CNTN1: variants seen among roughly 807,000 people sequenced by gnomAD.
CNTN1 encodes contactin-1.
Under a neutral mutation model 126.4 loss-of-function variants are expected in CNTN1, and 38 were observed. The observed-to-expected ratio is 0.30, with a 90% CI of 0.23 to 0.39. CNTN1 has a LOEUF of 0.39. CNTN1 is among the 10% of genes least tolerant of loss of function. CNTN1 has a pLI of 1.00. For missense variants in CNTN1, 1,009 were observed against 1,248.4 expected, an observed-to-expected ratio of 0.81 and a Z score of 2.89; for synonymous variants, 413 against 422.6, an observed-to-expected ratio of 0.98 and a Z score of 0.28.
chr12:40,904,724 C>A lies in CNTN1; in HGVS notation c.-76-3633C>A, dbSNP rs553267225. The stretch of plus-strand genomic sequence containing the variant: ...GGATTACAGGTGTGAGCCACTGGAC[C>A]CAGACCCTATTCTTATTTTAGGAAA... On this transcript the variant is annotated intron_variant, in intron 1 of 23. Transcript: ENST00000551295. Among the ~76,000 whole-genome samples the A allele has an allele frequency of 1.1e-4, 16 of 152,268 alleles. 1 individual carries two copies. The South Asian group carries it at 2.7e-3, about 26-fold the overall frequency.
intron 1 of CNTN1, among the ~76,000 whole-genome samples, chr12:40,780,786 T>TCAAGCCTC (rs1939764639): frequency 6.6e-6 from 1 of 150,780 alleles, no homozygotes; most frequent in Non-Finnish European, 1.5e-5. Context: ...GGCATTCTAT[T>TCAAGCCTC]CAAGCCTCTT....
intron 16 of CNTN1, among the ~76,000 whole-genome samples, chr12:40,984,710 A>T (rs1292171211): frequency 6.6e-6 from 1 of 152,142 alleles, no homozygotes; most frequent in African/African-American, 2.4e-5. Context: ...AAATATACCA[A>T]CTATGTATCA....
chr12:40,833,283 A>G (rs1941926035), intron 1 of CNTN1, among the ~76,000 whole-genome samples: 2 of 152,060 alleles, frequency 1.3e-5, no homozygotes, highest in South Asian at 4.2e-4. Flanking sequence ...TTTAGTAGAG[A>G]CAGGGTTTCA....
intron 1 of CNTN1, 47 bp from the exon 2 acceptor site, chr12:40,908,310 C>T (rs1287771571): frequency 7.3e-6 from 5 of 688,064 alleles, no homozygotes; most frequent in Non-Finnish European, 1.3e-5. Flanking sequence ...CTTCCCCTCT[C>T]CTTCCTTCTA....
At chr12:40,908,709 A>C (rs1375494806) in intron 2 of CNTN1, among the ~76,000 whole-genome samples, 1 of 152,116 alleles carries the variant, frequency 6.6e-6, no homozygotes, top group African/African-American at 2.4e-5. Context: ...GTGCTGGTGA[A>C]TGTTTAAAAT....
intron 1 of CNTN1, among the ~76,000 whole-genome samples, chr12:40,821,702 G>C (rs935779707): frequency 6.6e-6 from 1 of 152,052 alleles, no homozygotes; most frequent in Non-Finnish European, 1.5e-5. Flanking sequence ...TTTGAAACAT[G>C]TTAGGATACC....
chr12:41,036,791 C>T (rs1040778129), intron 23 of CNTN1, among the ~76,000 whole-genome samples: 1 of 152,038 alleles, frequency 6.6e-6, no homozygotes, highest in Non-Finnish European at 1.5e-5. Context: ...AGAATGATTG[C>T]TAGAAGTGCA....
At chr12:40,949,155 A>G (rs1311952067) in intron 14 of CNTN1, among the ~76,000 whole-genome samples, 1 of 150,976 alleles carries the variant, frequency 6.6e-6, no homozygotes, top group East Asian at 1.9e-4. Context: ...TTTCTGCAAG[A>G]CAAGAAAAAG....
At chr12:41,034,070 A>G (rs1404984115) in intron 23 of CNTN1, among the ~76,000 whole-genome samples, 2 of 152,042 alleles carry the variant, frequency 1.3e-5, no homozygotes, top group African/African-American at 2.4e-5. Context: ...AAATAAAAAA[A>G]TAATGATGTC....
rs746329361 is a variant in CNTN1, at chr12:40,725,172, C to T, written c.-77+32580C>T. Among the ~76,000 whole-genome samples, 3 of 152,024 alleles carry T rather than the reference C, an allele frequency of 2.0e-5. No homozygotes were observed. The East Asian group carries it at 5.8e-4, about 29-fold the overall frequency. On this transcript the variant is annotated intron_variant, in intron 1 of 23. Coordinates refer to ENST00000551295, the MANE Select transcript of CNTN1 (RefSeq NM_001843.4). ...ATCCCAGCACTTTGGGAGGCCAAGG[C>T]CGGTGGATCACCTGAGGTTGGGAGT...
At chr12:40,785,220 T>C (rs10784865) in intron 1 of CNTN1, among the ~76,000 whole-genome samples, 137,739 of 152,098 alleles carry the variant, frequency 0.91, 62,499 homozygotes, top group Middle Eastern at 0.95. Flanking sequence ...CACCTACAGA[T>C]GGGGTAATTT....
intron 1 of CNTN1, among the ~76,000 whole-genome samples, chr12:40,721,612 A>G: frequency 6.7e-6 from 1 of 150,342 alleles, no homozygotes; most frequent in African/African-American, 2.4e-5. Flanking sequence ...CAGGTTAGTT[A>G]CATATGTATA....
chr12:40,912,147 C>T (rs1341118437), intron 3 of CNTN1, among the ~76,000 whole-genome samples: 4 of 152,054 alleles, frequency 2.6e-5, no homozygotes, highest in Non-Finnish European at 5.9e-5. Context: ...ATTTGAAAAA[C>T]AAAGTACATA....
intron 1 of CNTN1, among the ~76,000 whole-genome samples, chr12:40,799,753 GAGCACTTACTATATACA>G (rs1940574290): frequency 6.6e-6 from 1 of 151,918 alleles, no homozygotes; most frequent in South Asian, 2.1e-4. Context: ...TAACAACTAG[GAGCACTTACTATATACA>G]AGCACTATGC....
chr12:40,810,586 T>C (rs1318531072), intron 1 of CNTN1, among the ~76,000 whole-genome samples: 1 of 123,822 alleles, frequency 8.1e-6, no homozygotes, highest in African/African-American at 3.0e-5. Context: ...TCTGTTTCTA[T>C]GAGATTGATT....
chr12:40,800,924 G>A (rs766245507), intron 1 of CNTN1, among the ~76,000 whole-genome samples: 1 of 151,658 alleles, frequency 6.6e-6, no homozygotes, highest in Admixed American at 6.6e-5. Flanking sequence ...TAGGATTGTG[G>A]AGATAAGAAA....
Position 40,929,997 on chromosome 12 carries a change from C to T in CNTN1, c.698C>T (p.Pro233Leu). The T allele has an allele frequency of 1.2e-6, 2 of 1,605,014 alleles. No individual in the cohort carries two copies. The highest frequency in any genetic ancestry group is 1.7e-6 in the Non-Finnish European group (2 of 1,172,096). ...FSKFIPLIPI[P>L]ERTTKPYPAD... ...AAATTCATCCCACTCATTCCAATAC[C>T]TGAACGTAAGTATTTTATTTGTTAC... The change falls in exon 7 of 24, where the codon CCT becomes CTT. Residue 233 changes from proline (P) to leucine (L), a missense_variant. Transcript: ENST00000551295.
intron 16 of CNTN1, among the ~76,000 whole-genome samples, chr12:40,992,357 C>A (rs182973400): frequency 6.6e-6 from 1 of 152,012 alleles, no homozygotes; most frequent in Non-Finnish European, 1.5e-5. Flanking sequence ...TAAGATATTG[C>A]GTCATAGACA....
rs1053657922 is a variant in CNTN1 at position 40,900,921 on chromosome 12, C to T, written c.-76-7436C>T. Among the ~76,000 whole-genome samples the T allele has an allele frequency of 4.6e-5, 7 of 152,154 alleles. No individual in the cohort carries two copies. The East Asian group carries it at 1.2e-3, about 25-fold the overall frequency. ...GATGAGGGGATGTGAAACTGACAAC[C>T]GCTCTGTTGTCGATGATTTACATGA... On this transcript the variant is annotated intron_variant, in intron 1 of 23. Transcript: ENST00000551295.
Sources: gnomAD v4.1 joint callset for allele counts (sites outside exome capture counted in the v4.1 genomes callset) on GRCh38, gnomAD v4.1.1 for gene constraint, MANE v1.5 for transcripts, NCBI Gene and HGNC (gene_info 2026-07-23, HGNC 2026-07-21) for gene names.